EVC2: variants seen among roughly 807,000 people sequenced by gnomAD.
EVC2 encodes the protein limbin.
A neutral mutation model predicts 149.3 loss-of-function variants in EVC2; 148 were observed. The ratio of observed to expected loss-of-function variants is 0.99; its 90% CI spans 0.87 to 1.14. The LOEUF (loss-of-function observed/expected upper bound fraction) is 1.14. EVC2 is among the 50% of genes most tolerant of loss of function. The pLI, the probability that EVC2 is intolerant of heterozygous loss-of-function variation, is 0.00. For synonymous variants in EVC2, 776 were observed against 649.9 expected, an observed-to-expected ratio of 1.19 and a Z score of -2.95; for missense variants, 1,854 against 1,627.3, an observed-to-expected ratio of 1.14 and a Z score of -2.40.
chr4:5,602,523 G>C (rs1714067930), intron 16 of EVC2, among the ~76,000 whole-genome samples: 2 of 151,474 alleles, frequency 1.3e-5, no homozygotes, highest in African/African-American at 4.9e-5. Flanking sequence ...TGGGGGATGA[G>C]GAAAGAGCTG....
At chr4:5,548,634 T>A (rs1249845275) in intron 21 of EVC2, among the ~76,000 whole-genome samples, 2 of 152,146 alleles carry the variant, frequency 1.3e-5, no homozygotes, top group Non-Finnish European at 2.9e-5. Flanking sequence ...ATTTTGTGGT[T>A]GATTATTGTT....
intron 6 of EVC2, 138 bp from the exon 7 acceptor site, chr4:5,681,451 G>C (rs1350020414): frequency 5.8e-6 from 5 of 865,006 alleles, no homozygotes; most frequent in Non-Finnish European, 9.4e-6. Flanking sequence ...AGCTTGTGAA[G>C]GTCTCACCAT....
chr4:5,592,468 G>C (rs1577128806), intron 16 of EVC2, among the ~76,000 whole-genome samples: 1 of 152,198 alleles, frequency 6.6e-6, no homozygotes, highest in African/African-American at 2.4e-5. Context: ...GCAGGAGAGA[G>C]CCCCGCCAAA....
chr4:5,681,380 G>A, intron 6 of EVC2, 67 bp from the exon 7 acceptor site: 1 of 1,545,138 alleles, frequency 6.5e-7, no homozygotes, highest in South Asian at 1.1e-5. Flanking sequence ...ATAACATTTG[G>A]TGCGATTTCC....
intron 15 of EVC2, among the ~76,000 whole-genome samples, chr4:5,617,772 G>C (rs2108832111): frequency 6.6e-6 from 1 of 152,286 alleles, no homozygotes; most frequent in South Asian, 2.1e-4. Context: ...CTTATGTTGG[G>C]AGCCCCAGAA....
the EVC2 span, among the ~76,000 whole-genome samples, chr4:5,533,864 G>C: frequency 6.6e-6 from 1 of 152,220 alleles, no homozygotes; most frequent in Non-Finnish European, 1.5e-5. Flanking sequence ...ACAGAGAGCA[G>C]AGTGTTCAGA....
chr4:5,543,284 A>C (rs1577085710), intron 21 of EVC2: 1 of 1,051,818 alleles, frequency 9.5e-7, no homozygotes, highest in Non-Finnish European at 1.3e-6. Flanking sequence ...ATCACCATCC[A>C]CCCCAAGCCG....
intron 18 of EVC2, among the ~76,000 whole-genome samples, chr4:5,575,627 T>G (rs1722881038): frequency 6.6e-6 from 1 of 152,228 alleles, no homozygotes; most frequent in African/African-American, 2.4e-5. Context: ...AGACTTTGCC[T>G]CCAGTCCTTT....
chr4:5,598,846 C>T (rs1713709101), intron 16 of EVC2, among the ~76,000 whole-genome samples: 1 of 152,098 alleles, frequency 6.6e-6, no homozygotes. Context: ...TATCCAGAAT[C>T]TACAATGAAC....
At chr4:5,617,750 C>T (rs749123351) in intron 15 of EVC2, among the ~76,000 whole-genome samples, 3 of 152,088 alleles carry the variant, frequency 2.0e-5, no homozygotes, top group East Asian at 3.9e-4. Flanking sequence ...AACAGAAGTT[C>T]GAAGGCCTTA....
rs1238047092 is a variant in EVC2, at chr4:5,567,629, C to T, written c.3557+815G>A. Among the ~76,000 whole-genome samples the T allele has an allele frequency of 6.6e-6, 1 of 152,032 alleles. No individual in the cohort carries two copies. The highest frequency in any genetic ancestry group is 1.9e-4 in the East Asian group (1 of 5,158). Reference sequence around the variant, plus strand: ...CGCCTTACTCCACACCCCTTCCTGCCTTTCCCCATAAAAAGCCTTTAATGA... The same window carrying T: ...CGCCTTACTCCACACCCCTTCCTGCTTTTCCCCATAAAAAGCCTTTAATGA... On this transcript the variant is annotated intron_variant, in intron 20 of 21. Coordinates refer to ENST00000344408, the MANE Select transcript of EVC2 (RefSeq NM_147127.5). The surrounding 1 kb of genome is among the most constrained non-coding windows in gnomAD (Gnocchi z 4.4).
At chr4:5,591,923 T>C (rs1712840976) in intron 16 of EVC2, among the ~76,000 whole-genome samples, 1 of 152,192 alleles carries the variant, frequency 6.6e-6, no homozygotes, top group Non-Finnish European at 1.5e-5. Context: ...TCTTACTACT[T>C]TTCCCTGACA....
At chr4:5,559,701 A>G (rs1386989296), downstream of EVC2, among the ~76,000 whole-genome samples, 4 of 152,222 alleles carry the variant, frequency 2.6e-5, no homozygotes, top group Non-Finnish European at 5.9e-5. The surrounding 1 kb of genome is among the most constrained non-coding windows in gnomAD (Gnocchi z 5.0). Flanking sequence ...CCAATGTTGA[A>G]AGCTGGAACA....
At position 5,576,232 on chromosome 4, in the gene EVC2, C is replaced by A; in HGVS notation, c.3272+8G>T. 1 of 1,614,130 alleles carries A rather than the reference C, an allele frequency of 6.2e-7. No homozygotes were observed. The highest frequency in any genetic ancestry group is 8.5e-7 in the Non-Finnish European group (1 of 1,180,024). ...ATATCTTTGAGTGCTACGGGGCACA[C>A]GGCATACCACTGCTGATGTTGCTCC... On this transcript the variant is annotated splice_region_variant and intron_variant, in intron 18 of 21. Coordinates refer to ENST00000344408, the MANE Select transcript of EVC2 (RefSeq NM_147127.5). The surrounding 1 kb of genome is among the most constrained non-coding windows in gnomAD (Gnocchi z 4.5).
intron 21 of EVC2, among the ~76,000 whole-genome samples, chr4:5,547,922 T>C (rs1374357101): frequency 2.6e-5 from 4 of 152,224 alleles, no homozygotes; most frequent in African/African-American, 9.6e-5. Context: ...CAGTGGTTCC[T>C]GGATTCTCCA....
In EVC2 at chr4:5,576,452, C is replaced by T. The variant is rs1284265777; in HGVS notation, c.3060G>A (p.Glu1020=). Residue 1020 remains glutamate (E), a splice_region_variant and synonymous_variant, in exon 18 of 22, where the codon GAG becomes GAA. Transcript: ENST00000344408. The surrounding 1 kb of genome is among the most constrained non-coding windows in gnomAD (Gnocchi z 4.5). ...CTQILESHSR[E]LQELERKLED... ...CCAGCTTCCTCTCCAACTCCTGGAG[C>T]TCCTACACAAGGAAGGGGCAGAGGG... 1.9e-6 allele frequency: 3 copies of T among 1,591,472 alleles called. No individual in the cohort carries two copies. Among genetic ancestry groups the T allele is most frequent in the Non-Finnish European group, 2.6e-6 (3 of 1,169,492 alleles).
chr4:5,630,225 G>A (rs1175582813), intron 11 of EVC2, among the ~76,000 whole-genome samples: 5 of 152,154 alleles, frequency 3.3e-5, no homozygotes, highest in South Asian at 4.1e-4. Context: ...CGATTACTCG[G>A]TCTCCTCCTG....
the EVC2 span, among the ~76,000 whole-genome samples, chr4:5,536,614 T>C: frequency 5.7e-4 from 86 of 151,834 alleles, no homozygotes; most frequent in East Asian, 4.1e-3. Flanking sequence ...GAAACCCCGT[T>C]TCTACTAAAA....
intron 16 of EVC2, among the ~76,000 whole-genome samples, chr4:5,604,322 A>G (rs1482649041): frequency 1.3e-5 from 2 of 152,248 alleles, no homozygotes; most frequent in Non-Finnish European, 2.9e-5. Flanking sequence ...TAAAGCAAAA[A>G]GCAGAAATAG....
Sources: allele counts gnomAD v4.1 joint callset (sites outside exome capture counted in the v4.1 genomes callset), GRCh38; gene constraint gnomAD v4.1.1; non-coding constraint Gnocchi (gnomAD v3.1); transcripts MANE v1.5; gene names NCBI Gene and HGNC (gene_info 2026-07-23, HGNC 2026-07-21).